The following MAML1 variants were observed in gnomAD, a reference collection of about 807,000 sequenced individuals.
The protein encoded by MAML1 is mastermind like transcriptional coactivator 1.
Under a neutral mutation model 77.1 loss-of-function variants are expected in MAML1, and 14 were observed. That is an observed-to-expected ratio of 0.18 (90% CI 0.12 to 0.28). The LOEUF (loss-of-function observed/expected upper bound fraction) is 0.28, where lower values mean the gene tolerates loss of function less well. Ranked by LOEUF, MAML1 falls within the 10% of genes least tolerant of loss-of-function variation. The probability of loss-of-function intolerance (pLI) is 1.00; values close to 1 mark genes in which losing one functional copy is unlikely to be tolerated. For synonymous variants in MAML1, 516 were observed against 551.9 expected, an observed-to-expected ratio of 0.93 and a Z score of 0.91; for missense variants, 1,217 against 1,327.8, an observed-to-expected ratio of 0.92 and a Z score of 1.30.
At position 179,733,375 on chromosome 5, in the gene MAML1, C is replaced by T; in HGVS notation, c.263C>T (p.Pro88Leu). ...PAATAPAPAA[P>L]APRLDAADGP... The stretch of plus-strand genomic sequence containing the variant: ...GCCACGGCCCCGGCGCCCGCCGCCC[C>T]GGCCCCGCGCCTGGACGCCGCTGAC... The change falls in exon 1 of 5, where the codon CCG becomes CTG. Residue 88 changes from proline (P) to leucine (L), a missense_variant. This residue lies in a region of MAML1 where 312 missense variants were observed against 331.4 expected (regional missense o/e 0.94). Coordinates refer to ENST00000292599, the MANE Select transcript of MAML1 (RefSeq NM_014757.5). The T allele has an allele frequency of 8.3e-7, 1 of 1,210,078 alleles. No homozygotes were observed. Among genetic ancestry groups the T allele is most frequent in the Non-Finnish European group, 1.0e-6 (1 of 979,004 alleles). The allele number at this position is 1,210,078 out of a possible 1,614,324, so 75.0% of individuals were successfully genotyped here.
intron 1 of MAML1, among the ~76,000 whole-genome samples, chr5:179,747,819 A>AAAAAAAAAAAAAAAG (rs1370939084): frequency 6.6e-6 from 1 of 150,936 alleles, no homozygotes; most frequent in Non-Finnish European, 1.5e-5. Flanking sequence ...AAAAAAAAAA[A>AAAAAAAAAAAAAAAG]AAAAAAAAAA....
intron 3 of MAML1, among the ~76,000 whole-genome samples, chr5:179,770,273 C>A (rs1260045864): frequency 6.6e-6 from 1 of 152,158 alleles, no homozygotes; most frequent in Non-Finnish European, 1.5e-5. Context: ...ACAGTGAAAC[C>A]CCGTCTCTAC....
At chr5:179,768,329 T>C (rs1226510740) in intron 2 of MAML1, among the ~76,000 whole-genome samples, 2 of 152,206 alleles carry the variant, frequency 1.3e-5, no homozygotes, top group African/African-American at 4.8e-5. Context: ...TGGTGGCACA[T>C]GCCTCTAATC....
At chr5:179,768,686 A>G (rs1428713883) in intron 2 of MAML1, among the ~76,000 whole-genome samples, 164 bp from the exon 3 acceptor site, 1 of 152,206 alleles carries the variant, frequency 6.6e-6, no homozygotes, top group African/African-American at 2.4e-5. Context: ...CTCAGATGTC[A>G]TCACTTTTGG....
chr5:179,733,040 G>A lies in MAML1; in HGVS notation c.-73G>A. ...CGTGAGGCGGAGAGGGGTAGCCGCG[G>A]GGAGCGAAGCCCGCAGTGCCAGCCG... is the stretch of plus-strand genomic sequence containing the variant. On this transcript the variant is annotated 5_prime_UTR_variant, in exon 1 of 5. Coordinates refer to ENST00000292599, the MANE Select transcript of MAML1 (RefSeq NM_014757.5). The A allele has an allele frequency of 1.0e-6, 1 of 962,160 alleles. No homozygotes were observed. The highest frequency in any genetic ancestry group is 1.3e-6 in the Non-Finnish European group (1 of 746,198). 59.6% of individuals were successfully genotyped at this position (962,160 alleles called of 1,614,324 possible).
Position 179,774,288 on chromosome 5 carries a change from C to G in MAML1, c.2462C>G (p.Thr821Arg), listed in dbSNP as rs566983425. 6.2e-6 allele frequency: 10 copies of G among 1,613,408 alleles called. No homozygotes were observed. Among genetic ancestry groups the G allele is most frequent in the African/African-American group, 2.7e-5 (2 of 75,044 alleles). Residue 821 changes from threonine to arginine, a missense_variant, in exon 5 of 5, where the codon ACA (threonine) becomes AGA (arginine). Physicochemically the swap from Thr to Arg is moderately conservative, Grantham distance 71. Around this residue, in one of 3 missense-constraint regions of MAML1, gnomAD observed 884 missense variants for 949.3 expected, o/e 0.93. Coordinates refer to ENST00000292599, the MANE Select transcript of MAML1 (RefSeq NM_014757.5). ...HNKGTLNPGL[T>R]KPPVPRVSPA... ...AAGGGGACCCTGAACCCTGGTTTAA[C>G]AAAGCCACCGGTCCCAAGGGTGTCA... is the stretch of plus-strand genomic sequence containing the variant.
At chr5:179,747,571 G>A (rs1455146794) in intron 1 of MAML1, among the ~76,000 whole-genome samples, 2 of 152,190 alleles carry the variant, frequency 1.3e-5, no homozygotes, top group Non-Finnish European at 2.9e-5. Flanking sequence ...AGCACTTCGG[G>A]AGGCCGAGGC....
chr5:179,756,153 C>T (rs915615576), intron 1 of MAML1, among the ~76,000 whole-genome samples: 2 of 150,870 alleles, frequency 1.3e-5, no homozygotes, highest in Non-Finnish European at 2.9e-5. Context: ...TGGCCGGTCG[C>T]GGTGGCTCAT....
At position 179,766,296 on chromosome 5, in the gene MAML1, C is replaced by T; in HGVS notation, c.1286C>T (p.Thr429Ile). The T allele has an allele frequency of 6.2e-7, 1 of 1,613,398 alleles. No individual in the cohort carries two copies. Residue 429 changes from threonine to isoleucine, a missense_variant, in exon 2 of 5, where the codon ACA becomes ATA. Physicochemically the swap from Thr to Ile is moderately conservative, Grantham distance 89. This residue lies in a region of MAML1 where 884 missense variants were observed against 949.3 expected (regional missense o/e 0.93). Coordinates refer to ENST00000292599, the MANE Select transcript of MAML1 (RefSeq NM_014757.5). This position sits in a 1 kb window ranked among gnomAD's most constrained non-coding sequence, Gnocchi z 4.0. ...GCACCAGCCCCGGGCCAGATGTCCA[C>T]ATGGCAGCAGACGGGGCCCTCCCAC... ...TPAPAPGQMS[T>I]WQQTGPSHSS...
At chr5:179,746,046 C>A (rs1211405231) in intron 1 of MAML1, among the ~76,000 whole-genome samples, 2 of 137,280 alleles carry the variant, frequency 1.5e-5, no homozygotes, top group African/African-American at 5.3e-5. Context: ...AAAAAAAAAA[C>A]AAAACCAAAA....
chr5:179,771,316 G>A lies in MAML1; in HGVS notation c.2068+73G>A. The A allele has an allele frequency of 7.6e-7, 1 of 1,309,788 alleles. No individual in the cohort carries two copies. Among genetic ancestry groups the A allele is most frequent in the Non-Finnish European group, 1.1e-6 (1 of 905,560 alleles). The allele number at this position is 1,309,788 out of a possible 1,614,324, so 81.1% of individuals were successfully genotyped here. On this transcript the variant is annotated intron_variant, in intron 4 of 4. Coordinates refer to ENST00000292599, the MANE Select transcript of MAML1 (RefSeq NM_014757.5). The surrounding 1 kb of genome is among the most constrained non-coding windows in gnomAD (Gnocchi z 4.7). ...GGTGCTGGTTGAATCCCTGCTGTCT[G>A]CCCAGCTCTATGCCTTGACTTCATC... is the stretch of plus-strand genomic sequence containing the variant.
intron 1 of MAML1, among the ~76,000 whole-genome samples, chr5:179,740,303 C>T (rs1392999309): frequency 6.6e-6 from 1 of 152,104 alleles, no homozygotes; most frequent in Non-Finnish European, 1.5e-5. Flanking sequence ...GGTTTTTTTG[C>T]TCTGCTGACC....
intron 1 of MAML1, among the ~76,000 whole-genome samples, chr5:179,762,389 C>T (rs2113370376): frequency 6.6e-6 from 1 of 152,038 alleles, no homozygotes; most frequent in East Asian, 1.9e-4. Context: ...AGAGTGTGGC[C>T]TCCCAGCGAG....
chr5:179,741,860 A>G (rs1779290385), intron 1 of MAML1, among the ~76,000 whole-genome samples: 1 of 152,022 alleles, frequency 6.6e-6, no homozygotes, highest in Non-Finnish European at 1.5e-5. Context: ...GCATCTGCAC[A>G]TATTGGCTAA....
rs766460849 is a variant in MAML1 at position 179,766,692 on chromosome 5, A to G, written c.1682A>G (p.Lys561Arg). 1 of 1,585,804 alleles carries G rather than the reference A, an allele frequency of 6.3e-7. No individual in the cohort carries two copies. Among genetic ancestry groups the G allele is most frequent in the Non-Finnish European group, 8.6e-7 (1 of 1,165,514 alleles). Residue 561 changes from lysine (K) to arginine (R), a missense_variant, in exon 2 of 5, where the codon AAG (lysine) becomes AGG (arginine). Physicochemically the swap from Lys to Arg is conservative, Grantham distance 26. Coordinates refer to ENST00000292599, the MANE Select transcript of MAML1 (RefSeq NM_014757.5). The surrounding 1 kb of genome is among the most constrained non-coding windows in gnomAD (Gnocchi z 4.0). ...GAGCAGAACTCCCTGTTTCTGATGA[A>G]GCCAAAGCCAGGAAATATGCCTTTC... ...SHEQNSLFLMKPKPGNMPFRS... is the reference protein window; with the variant it reads ...SHEQNSLFLMRPKPGNMPFRS...
chr5:179,767,660 C>T (rs1279170616), intron 2 of MAML1, among the ~76,000 whole-genome samples: 5 of 152,174 alleles, frequency 3.3e-5, no homozygotes, highest in Admixed American at 6.5e-5. Flanking sequence ...AGATGTCTCA[C>T]GCCGTTCAGC....
At position 179,766,101 on chromosome 5, in the gene MAML1, T is replaced by C. The variant is rs774031818; in HGVS notation, c.1091T>C (p.Met364Thr). 6.3e-7 allele frequency: 1 copy of C among 1,581,168 alleles called. No homozygotes were observed. Among genetic ancestry groups the C allele is most frequent in the Admixed American group, 1.8e-5 (1 of 54,482 alleles). ...GCGGACAATCCCAGTCCAAACCTGA[T>C]GCCGGCATCAGCCCAGGCCCAGAAC... ...PRADNPSPNL[M>T]PASAQAQNAQ... The change falls in exon 2 of 5, where the codon ATG becomes ACG. Residue 364 changes from methionine (M) to threonine (T), a missense_variant. By Grantham distance (81) the Met-to-Thr change is moderately conservative. Coordinates refer to ENST00000292599, the MANE Select transcript of MAML1 (RefSeq NM_014757.5). The surrounding 1 kb of genome is among the most constrained non-coding windows in gnomAD (Gnocchi z 4.0).
chr5:179,774,093 T>G lies in MAML1; in HGVS notation c.2267T>G (p.Leu756Arg). The change falls in exon 5 of 5, where the codon CTC becomes CGC. Residue 756 changes from leucine (L) to arginine (R), a missense_variant. By Grantham distance (102) the Leu-to-Arg change is moderately radical. This residue lies in a region of MAML1 where 884 missense variants were observed against 949.3 expected (regional missense o/e 0.93). Coordinates refer to ENST00000292599, the MANE Select transcript of MAML1 (RefSeq NM_014757.5). ...PGSQNMPQSS[L>R]YGMASGITQI... ...TCCCAAAACATGCCTCAGAGCAGCCTCTATGGCATGGCTTCTGGCATAACC... is the reference window on the plus strand; with the variant it reads ...TCCCAAAACATGCCTCAGAGCAGCCGCTATGGCATGGCTTCTGGCATAACC... 1 of 1,613,964 alleles carries G rather than the reference T, an allele frequency of 6.2e-7. No homozygotes were observed. Among genetic ancestry groups the G allele is most frequent in the Non-Finnish European group, 8.5e-7 (1 of 1,180,028 alleles).
chr5:179,743,364 C>CTTTT (rs1187480234), intron 1 of MAML1, among the ~76,000 whole-genome samples: 1,019 of 91,746 alleles, frequency 0.011, 16 homozygotes, highest in Non-Finnish European at 0.018. Flanking sequence ...CTGCCCCACG[C>CTTTT]TTTTTTTTTT....
Sources: allele counts gnomAD v4.1 joint callset (sites outside exome capture counted in the v4.1 genomes callset), GRCh38; gene constraint gnomAD v4.1.1; regional missense constraint gnomAD v4.1.1; non-coding constraint Gnocchi (gnomAD v3.1); transcripts MANE v1.5; gene names NCBI Gene and HGNC (gene_info 2026-07-23, HGNC 2026-07-21).